Variants in NRG3 observed in about 807,000 individuals in gnomAD.
NRG3 encodes the protein neuregulin 3.
A neutral mutation model predicts 66.9 loss-of-function variants in NRG3; 31 were observed. The observed-to-expected ratio is 0.46, with a 90% confidence interval of 0.35 to 0.63. The LOEUF (loss-of-function observed/expected upper bound fraction) is 0.63, where lower values mean the gene tolerates loss of function less well. Ranked by LOEUF, NRG3 falls within the 20% of genes least tolerant of loss-of-function variation. The pLI, the probability that NRG3 is intolerant of heterozygous loss-of-function variation, is 0.00. For synonymous variants in NRG3, 393 were observed against 359.4 expected (o/e 1.09, Z -1.06); for missense variants, 910 against 878.9 (o/e 1.04, Z -0.45).
chr10:81,963,962 T>C (rs1258239683), intron 1 of NRG3, among the ~76,000 whole-genome samples: 1 of 152,216 alleles, frequency 6.6e-6, no homozygotes, highest in Non-Finnish European at 1.5e-5. Context: ...TATTATATTA[T>C]TGTTTTTTGC....
At chr10:82,879,665 TG>T (rs1842137705) in intron 4 of NRG3, among the ~76,000 whole-genome samples, 1 of 151,814 alleles carries the variant, frequency 6.6e-6, no homozygotes. Flanking sequence ...TTAGTAGAGA[TG>T]GGGGTTTCAC....
intron 2 of NRG3, among the ~76,000 whole-genome samples, chr10:82,711,901 G>A (rs1286403171): frequency 6.6e-6 from 1 of 152,072 alleles, no homozygotes; most frequent in Non-Finnish European, 1.5e-5. Context: ...CACACCTGCA[G>A]ACACATAGAC....
chr10:82,137,841 T>C (rs1395956643), intron 1 of NRG3, among the ~76,000 whole-genome samples: 1 of 152,128 alleles, frequency 6.6e-6, no homozygotes, highest in East Asian at 1.9e-4. Context: ...GGGATTTAAG[T>C]TAAATACCCC....
intron 1 of NRG3, among the ~76,000 whole-genome samples, chr10:81,912,455 C>T (rs1845260761): frequency 6.6e-6 from 1 of 152,198 alleles, no homozygotes; most frequent in South Asian, 2.1e-4. Flanking sequence ...CTCCTGGGTT[C>T]AAGGGATTCT....
At position 82,941,050 on chromosome 10, in the gene NRG3, G is replaced by T. The variant is rs532990175; in HGVS notation, c.1055-10419G>T. ...GTGCTTCTAGCCTGAATAACACAGT[G>T]TAAAAGACATGGAGCCTTTTAGTAC... On this transcript the variant is annotated intron_variant, in intron 4 of 8. Coordinates refer to ENST00000372141, the MANE Select transcript of NRG3 (RefSeq NM_001010848.4). Among the ~76,000 whole-genome samples, 15 of 152,242 alleles carry T rather than the reference G, an allele frequency of 9.9e-5. 1 individual carries two copies. The Middle Eastern group carries it at 0.02, about 207-fold the overall frequency.
chr10:81,875,456 A>ACGG lies in NRG3; in HGVS notation c.125_127dup (p.Gly42dup). 2 of 1,230,648 alleles carry ACGG rather than the reference A, an allele frequency of 1.6e-6. No homozygotes were observed. The highest frequency in any genetic ancestry group is 1.6e-5 in the African/African-American group (1 of 63,710). 76.2% of individuals were successfully genotyped at this position (1,230,648 alleles called of 1,614,324 possible). Reference sequence around the variant, plus strand: ...GCGGCAGCGGCGGGCGGGGGCCCGGACGGCGGCGGCGAAGGGGCGGCCGAG... The same window carrying ACGG: ...GCGGCAGCGGCGGGCGGGGGCCCGGACGGCGGCGGCGGCGAAGGGGCGGCCGAG... On this transcript the variant is annotated inframe_insertion, in exon 1 of 9. Transcript: ENST00000372141. This position sits in a 1 kb window ranked among gnomAD's most constrained non-coding sequence, Gnocchi z 5.3.
intron 3 of NRG3, among the ~76,000 whole-genome samples, chr10:82,766,346 A>G (rs1201905045): frequency 6.6e-6 from 1 of 152,154 alleles, no homozygotes; most frequent in Non-Finnish European, 1.5e-5. Flanking sequence ...GATACAGACA[A>G]TGAAGACTGA....
rs188852771 is a variant in NRG3 at position 82,859,872 on chromosome 10, A to G, written c.1028-5539A>G. ...GCATAAATTTATAGAATTTTTGTTA[A>G]TTAAAAAATGTGGGCTTCAAATTTC... On this transcript the variant is annotated intron_variant, in intron 3 of 8. Transcript: ENST00000372141. Among the ~76,000 whole-genome samples the G allele has an allele frequency of 6.4e-4, 98 of 152,268 alleles. 1 individual carries two copies. Among genetic ancestry groups the G allele is most frequent in the Admixed American group, 5.7e-3 (87 of 15,290 alleles).
chr10:82,427,683 T>C (rs2089535208), intron 2 of NRG3, among the ~76,000 whole-genome samples: 1 of 152,120 alleles, frequency 6.6e-6, no homozygotes. Flanking sequence ...TTGTGAGGTC[T>C]TTCTTGCTTG....
chr10:82,209,889 A>G lies in NRG3; in HGVS notation c.824-148850A>G, dbSNP rs140671482. Among the ~76,000 whole-genome samples the G allele has an allele frequency of 2.0e-3, 303 of 152,246 alleles. 2 individuals carry two copies. Among genetic ancestry groups the G allele is most frequent in the African/African-American group, 6.7e-3 (278 of 41,552 alleles). The stretch of plus-strand genomic sequence containing the variant: ...TGCAATGTCAATCTTGGGTCGTGTG[A>G]AGCATGTGGCTTTTTGGAAATTTTC... On this transcript the variant is annotated intron_variant, in intron 1 of 8. Coordinates refer to ENST00000372141, the MANE Select transcript of NRG3 (RefSeq NM_001010848.4).
In NRG3 at chr10:82,959,071, A is replaced by T; in HGVS notation, c.1280A>T (p.Gln427Leu). 6.3e-7 allele frequency: 1 copy of T among 1,598,984 alleles called. No homozygotes were observed. Among genetic ancestry groups the T allele is most frequent in the Non-Finnish European group, 8.5e-7 (1 of 1,175,044 alleles). Residue 427 changes from glutamine (Q) to leucine (L), a missense_variant, in exon 6 of 9, where the codon CAA becomes CTA. By Grantham distance (113) the Gln-to-Leu change is moderately radical. Coordinates refer to ENST00000372141, the MANE Select transcript of NRG3 (RefSeq NM_001010848.4). ...ENLVKSHVQL[Q>L]NYSKVERHPV... The stretch of plus-strand genomic sequence containing the variant: ...TTGGTGAAGAGCCATGTCCAGCTGC[A>T]AAATGTAAGTGACATGTCTACACAC...
intron 3 of NRG3, among the ~76,000 whole-genome samples, chr10:82,814,405 T>C (rs1164961789): frequency 6.6e-6 from 1 of 152,188 alleles, no homozygotes; most frequent in Non-Finnish European, 1.5e-5. Flanking sequence ...TTAATCACTA[T>C]CATTACTAGT....
At chr10:82,283,378 C>T (rs1461615299) in intron 1 of NRG3, among the ~76,000 whole-genome samples, 1 of 152,162 alleles carries the variant, frequency 6.6e-6, no homozygotes, top group Non-Finnish European at 1.5e-5. Context: ...TGATCATATT[C>T]ACATATGATG....
chr10:82,523,624 A>G (rs890660912), intron 2 of NRG3, among the ~76,000 whole-genome samples: 1 of 151,996 alleles, frequency 6.6e-6, no homozygotes, highest in Non-Finnish European at 1.5e-5. Flanking sequence ...ACTATGTACA[A>G]GTTACCTCTC....
chr10:82,858,692 T>C (rs760897239), intron 3 of NRG3, among the ~76,000 whole-genome samples: 6 of 152,180 alleles, frequency 3.9e-5, no homozygotes, highest in Non-Finnish European at 7.3e-5. Flanking sequence ...GTTATTAAGA[T>C]AAAGCATTTA....
intron 1 of NRG3, chr10:82,166,623 A>G (rs1564625407): frequency 3.1e-6 from 1 of 325,194 alleles, no homozygotes; most frequent in Non-Finnish European, 5.5e-6. Context: ...AGGATATTTA[A>G]ATAATTATGT....
At chr10:82,761,915 TTTCTTTC>T (rs1205804137) in intron 3 of NRG3, among the ~76,000 whole-genome samples, 13 of 132,394 alleles carry the variant, frequency 9.8e-5, no homozygotes, top group African/African-American at 4.6e-4. Flanking sequence ...TTCTTCTTTC[TTTCTTTC>T]TCTTTCTTTC....
intron 2 of NRG3, among the ~76,000 whole-genome samples, chr10:82,440,355 C>T (rs2090370885): frequency 7.6e-6 from 1 of 131,532 alleles, no homozygotes; most frequent in African/African-American, 3.4e-5. Flanking sequence ...ACTAGTTTGC[C>T]TGTTTGATTT....
chr10:82,916,666 G>T (rs565056334), intron 4 of NRG3, among the ~76,000 whole-genome samples: 1 of 150,828 alleles, frequency 6.6e-6, no homozygotes, highest in East Asian at 2.0e-4. Flanking sequence ...TTGCTTGGTC[G>T]CTCAGGCTGG....
Sources: gnomAD v4.1 joint callset for allele counts (sites outside exome capture counted in the v4.1 genomes callset) on GRCh38, gnomAD v4.1.1 for gene constraint, Gnocchi (gnomAD v3.1) non-coding constraint, MANE v1.5 for transcripts, NCBI Gene and HGNC (gene_info 2026-07-23, HGNC 2026-07-21) for gene names.